Variants in ANKRD17 observed in about 807,000 individuals in gnomAD.
The protein encoded by ANKRD17 is ankyrin repeat domain 17.
Under a neutral mutation model 229.7 loss-of-function variants are expected in ANKRD17, and 19 were observed. The ratio of observed to expected loss-of-function variants is 0.08; its 90% CI spans 0.06 to 0.12. The LOEUF (loss-of-function observed/expected upper bound fraction) is 0.12, where lower values mean the gene tolerates loss of function less well. Ranked by LOEUF, ANKRD17 falls within the 10% of genes least tolerant of loss-of-function variation. The pLI is 1.00. For missense variants in ANKRD17, 2,176 were observed against 3,176.8 expected, an observed-to-expected ratio of 0.68 and a Z score of 7.57; for synonymous variants, 1,112 against 1,146.1, an observed-to-expected ratio of 0.97 and a Z score of 0.60.
intron 1 of ANKRD17, among the ~76,000 whole-genome samples, chr4:73,185,672 TAAC>T (rs1292607224): frequency 6.6e-6 from 1 of 152,070 alleles, no homozygotes; most frequent in Non-Finnish European, 1.5e-5. Context: ...AATCCATAAC[TAAC>T]ACCACTTTGG....
At chr4:73,100,563 A>G (rs557481151) in intron 25 of ANKRD17, among the ~76,000 whole-genome samples, 3 of 152,122 alleles carry the variant, frequency 2.0e-5, no homozygotes, top group African/African-American at 7.2e-5. Flanking sequence ...ATTATTATGT[A>G]ATTATTAAAT....
At chr4:73,165,540 T>G (rs1368882946) in intron 2 of ANKRD17, among the ~76,000 whole-genome samples, 1 of 152,184 alleles carries the variant, frequency 6.6e-6, no homozygotes, top group Non-Finnish European at 1.5e-5. Flanking sequence ...GGTGTGTGTC[T>G]AATAAAATGA....
At chr4:73,151,730 A>G (rs1731023341) in intron 6 of ANKRD17, among the ~76,000 whole-genome samples, 1 of 152,124 alleles carries the variant, frequency 6.6e-6, no homozygotes, top group Non-Finnish European at 1.5e-5. Flanking sequence ...TGCCCTATAA[A>G]CTGCTGCTTC....
intron 30 of ANKRD17, among the ~76,000 whole-genome samples, chr4:73,081,602 G>A (rs1173389790): frequency 6.6e-6 from 1 of 152,170 alleles, no homozygotes; most frequent in Non-Finnish European, 1.5e-5. Context: ...ATATATTAGA[G>A]AAACAGGTTT....
intron 2 of ANKRD17, among the ~76,000 whole-genome samples, chr4:73,169,794 C>T (rs1199908591): frequency 6.6e-6 from 1 of 152,188 alleles, no homozygotes; most frequent in African/African-American, 2.4e-5. Flanking sequence ...TGAGCCTTTG[C>T]ATTGAACTCA....
At chr4:73,154,643 T>A (rs1731405385) in intron 5 of ANKRD17, among the ~76,000 whole-genome samples, 1 of 152,184 alleles carries the variant, frequency 6.6e-6, no homozygotes, top group Non-Finnish European at 1.5e-5. Flanking sequence ...TCTAAAACAT[T>A]CTTTTCTGCT....
In ANKRD17 at chr4:73,098,500, C is replaced by G. The variant is rs1723566310; in HGVS notation, c.4594G>C (p.Glu1532Gln). The stretch of plus-strand genomic sequence containing the variant: ...GTAGTGGTTGTGGCACTTGGAGGTT[C>G]TGTCAAGACTTCAGGCTCATCTGTA... ...KVEDEPEVLT[E>Q]PPSATTTTTI... The change falls in exon 26 of 34, where the codon GAA (glutamate) becomes CAA (glutamine). Residue 1532 changes from glutamate to glutamine, a missense_variant. Physicochemically the swap from Glu to Gln is conservative, Grantham distance 29 (BLOSUM62 2). This residue lies in a region of ANKRD17 where 105 missense variants were observed against 118.3 expected (regional missense o/e 0.89). Transcript: ENST00000358602. 1.2e-6 allele frequency: 2 copies of G among 1,612,620 alleles called. No individual in the cohort carries two copies. Among genetic ancestry groups the G allele is most frequent in the Non-Finnish European group, 1.7e-6 (2 of 1,179,628 alleles).
At chr4:73,206,082 A>G (rs1739394407) in intron 1 of ANKRD17, among the ~76,000 whole-genome samples, 1 of 152,224 alleles carries the variant, frequency 6.6e-6, no homozygotes, top group Non-Finnish European at 1.5e-5. Context: ...GACAAAAGAT[A>G]GCAAGGATTG....
intron 2 of ANKRD17, among the ~76,000 whole-genome samples, chr4:73,171,108 C>G (rs556285953): frequency 6.6e-6 from 1 of 150,876 alleles, no homozygotes; most frequent in Admixed American, 6.6e-5. Flanking sequence ...TCACCTAGTA[C>G]AGTCCCAGTG....
intron 3 of ANKRD17, among the ~76,000 whole-genome samples, chr4:73,156,786 G>A (rs1162389610): frequency 1.3e-5 from 2 of 152,052 alleles, no homozygotes; most frequent in African/African-American, 4.8e-5. Context: ...TACAGCCTGT[G>A]GAACTGTGAG....
At chr4:73,253,289 T>C (rs183233597) in intron 1 of ANKRD17, among the ~76,000 whole-genome samples, 7 of 152,364 alleles carry the variant, frequency 4.6e-5, no homozygotes, top group African/African-American at 1.2e-4. Flanking sequence ...TATTTATTCA[T>C]TGGTGTATTT....
At chr4:73,238,752 T>C (rs1743745769) in intron 1 of ANKRD17, among the ~76,000 whole-genome samples, 1 of 152,084 alleles carries the variant, frequency 6.6e-6, no homozygotes, top group South Asian at 2.1e-4. Flanking sequence ...ACATATTTCT[T>C]GAGCAATTAC....
chr4:73,141,348 G>C (rs1374604709), intron 14 of ANKRD17, among the ~76,000 whole-genome samples: 1 of 152,132 alleles, frequency 6.6e-6, no homozygotes, highest in Non-Finnish European at 1.5e-5. Context: ...TATTAAGCCA[G>C]TCATTCTAAA....
rs769741144 is a variant in ANKRD17 at position 73,091,066 on chromosome 4, G to A, written c.6562C>T (p.Pro2188Ser). Residue 2188 changes from proline to serine, a missense_variant, in exon 29 of 34, where the codon CCT becomes TCT. Physicochemically the swap from Pro to Ser is moderately conservative, Grantham distance 74. Transcript: ENST00000358602. ...TGCACTGAAGCTGAATTCTTGTGAG[G>A]GGCAGTTGTGCCATGAGGGGGTGGT... ...IRPPPHGTTA[P>S]HKNSASVQNS... The A allele has an allele frequency of 3.2e-5, 52 of 1,614,086 alleles. No individual in the cohort carries two copies. Among genetic ancestry groups the A allele is most frequent in the Non-Finnish European group, 4.0e-5 (47 of 1,180,054 alleles).
chr4:73,180,339 T>G (rs974827998), intron 1 of ANKRD17, among the ~76,000 whole-genome samples: 19 of 152,276 alleles, frequency 1.2e-4, no homozygotes, highest in African/African-American at 4.3e-4. Flanking sequence ...AGGGTTTTAC[T>G]GTAGGTTTGA....
At chr4:73,102,930 A>C (rs1724185498) in intron 24 of ANKRD17, among the ~76,000 whole-genome samples, 1 of 152,138 alleles carries the variant, frequency 6.6e-6, no homozygotes, top group Admixed American at 6.6e-5. Context: ...TGCGGGCATG[A>C]ATATTTACAT....
intron 1 of ANKRD17, among the ~76,000 whole-genome samples, chr4:73,179,883 A>G (rs1232685531): frequency 6.6e-6 from 1 of 152,122 alleles, no homozygotes; most frequent in East Asian, 1.9e-4. Context: ...AGTGATTCAA[A>G]ATTATAGCAG....
chr4:73,170,962 G>A (rs981386996), intron 2 of ANKRD17, among the ~76,000 whole-genome samples: 3 of 152,036 alleles, frequency 2.0e-5, no homozygotes, highest in Non-Finnish European at 4.4e-5. Flanking sequence ...CATCCTGAAG[G>A]GGAAAAAAAC....
At chr4:73,167,967 G>A (rs916586350) in intron 2 of ANKRD17, among the ~76,000 whole-genome samples, 1 of 151,864 alleles carries the variant, frequency 6.6e-6, no homozygotes, top group South Asian at 2.1e-4. Flanking sequence ...CCTGGCTAAC[G>A]CAGCGAAACC....
Sources: gnomAD v4.1 joint callset for allele counts (sites outside exome capture counted in the v4.1 genomes callset) on GRCh38, gnomAD v4.1.1 for gene constraint, gnomAD v4.1.1 regional missense constraint, MANE v1.5 for transcripts, NCBI Gene and HGNC (gene_info 2026-07-23, HGNC 2026-07-21) for gene names.